CFAP45: variants seen among roughly 807,000 people sequenced by gnomAD.
The protein encoded by CFAP45 is cilia- and flagella-associated protein 45.
Under a neutral mutation model 75.6 loss-of-function variants are expected in CFAP45, and 43 were observed. The ratio of observed to expected loss-of-function variants is 0.57; its 90% CI spans 0.45 to 0.73. The LOEUF (loss-of-function observed/expected upper bound fraction) is 0.73, where lower values mean the gene tolerates loss of function less well. CFAP45 is among the 30% of genes least tolerant of loss of function. CFAP45 has a pLI of 0.00. For missense variants in CFAP45, 689 were observed against 701.5 expected (o/e 0.98, Z 0.20); for synonymous variants, 223 against 244.6 (o/e 0.91, Z 0.82).
intron 7 of CFAP45, among the ~76,000 whole-genome samples, chr1:159,883,814 C>T (rs777656757): frequency 6.6e-6 from 1 of 151,892 alleles, no homozygotes; most frequent in African/African-American, 2.4e-5. Flanking sequence ...TATCCAAGTG[C>T]CTGCCATGTC....
At chr1:159,899,935 C>A in intron 1 of CFAP45, 161 bp downstream of exon 1, 2 of 671,382 alleles carry the variant, frequency 3.0e-6, no homozygotes, top group Non-Finnish European at 5.1e-6. Flanking sequence ...CTTTTGAACC[C>A]ACCTCAGGAT....
At chr1:159,891,057 C>T (rs1176089522) in intron 2 of CFAP45, among the ~76,000 whole-genome samples, 4 of 152,184 alleles carry the variant, frequency 2.6e-5, no homozygotes, top group Admixed American at 2.6e-4. Context: ...CCATGCCCAG[C>T]CCTGACCAGC....
chr1:159,892,235 C>T (rs771232144), intron 2 of CFAP45, among the ~76,000 whole-genome samples: 2 of 151,914 alleles, frequency 1.3e-5, no homozygotes, highest in East Asian at 1.9e-4. Context: ...GGCAGTGAGC[C>T]GAGACTGTAC....
chr1:159,892,726 G>C (rs139307435), intron 2 of CFAP45, among the ~76,000 whole-genome samples: 2 of 152,162 alleles, frequency 1.3e-5, no homozygotes, highest in Admixed American at 6.5e-5. Flanking sequence ...AGACCTGCTC[G>C]TTTCCCAAAG....
At chr1:159,888,592 C>G in intron 3 of CFAP45, 96 bp from the exon 4 acceptor site, 1 of 1,158,776 alleles carries the variant, frequency 8.6e-7, no homozygotes. Flanking sequence ...TCCCATCATG[C>G]CAGTGGACTC....
At chr1:159,886,833 A>T in intron 5 of CFAP45, 144 bp from the exon 6 acceptor site, 1 of 692,392 alleles carries the variant, frequency 1.4e-6, no homozygotes, top group Non-Finnish European at 2.5e-6. Flanking sequence ...GAATGTTCTT[A>T]TATTTACCTT....
chr1:159,874,449 G>C (rs1015898815), intron 10 of CFAP45, among the ~76,000 whole-genome samples: 5 of 152,178 alleles, frequency 3.3e-5, no homozygotes, highest in African/African-American at 1.2e-4. Context: ...GAAGAATACT[G>C]TTGGCTTCCT....
At chr1:159,884,605 G>A (rs1450660145) in intron 6 of CFAP45, 40 bp from the exon 7 acceptor site, 2 of 1,591,208 alleles carry the variant, frequency 1.3e-6, no homozygotes, top group East Asian at 2.3e-5. Flanking sequence ...GAAACCCCGG[G>A]TCCACATCTC....
At chr1:159,880,463 T>C (rs921292350) in intron 8 of CFAP45, 91 bp downstream of exon 8, 7 of 1,207,014 alleles carry the variant, frequency 5.8e-6, no homozygotes, top group Non-Finnish European at 8.2e-6. Flanking sequence ...TGCGGCTGCC[T>C]TCCACTGGAG....
intron 3 of CFAP45, among the ~76,000 whole-genome samples, chr1:159,890,132 C>T (rs2101849770): frequency 6.6e-6 from 1 of 152,314 alleles, no homozygotes; most frequent in South Asian, 2.1e-4. Flanking sequence ...AGTGACTCAT[C>T]TGGATCACTT....
chr1:159,872,558 G>T lies in CFAP45; in HGVS notation c.1583C>A (p.Thr528Asn). 6.2e-7 allele frequency: 1 copy of T among 1,614,072 alleles called. No individual in the cohort carries two copies. Among genetic ancestry groups the T allele is most frequent in the African/African-American group, 1.3e-5 (1 of 75,058 alleles). Residue 528 changes from threonine (T) to asparagine (N), a missense_variant, in exon 12 of 12, where the codon ACT becomes AAT. Thr to Asn is a moderately conservative substitution (Grantham distance 65, BLOSUM62 0). Coordinates refer to ENST00000368099, the MANE Select transcript of CFAP45 (RefSeq NM_012337.3). ...AATGCAGTACTTCTCGGGAAGGCCA[G>T]TGGCTCTGCCGGGGAAACGCAGGCA... ...KRKKLEELRA[T>N]GLPEKYCIEA...
intron 6 of CFAP45, 141 bp downstream of exon 6, chr1:159,886,370 G>GT: frequency 5.4e-6 from 4 of 742,228 alleles, no homozygotes; most frequent in Non-Finnish European, 9.0e-6. Flanking sequence ...GTGATTCTAT[G>GT]TATCACTTCG....
Position 159,886,618 on chromosome 1 carries a change from T to C in CFAP45, c.660A>G (p.Glu220=). The change falls in exon 6 of 12, where the codon GAA becomes GAG. Residue 220 remains glutamate, a synonymous_variant. Transcript: ENST00000368099. ...CCAACCGCTTCTCTTCTGTGTCCAG[T>C]TCTTTTTGGATCTGCTGCTTCTCCA... is the stretch of plus-strand genomic sequence containing the variant. ...QILEKQQIQK[E]LDTEEKRLDQ... is the part of the protein sequence containing the mutation. 6.2e-7 allele frequency: 1 copy of C among 1,614,132 alleles called. No individual in the cohort carries two copies. The highest frequency in any genetic ancestry group is 8.5e-7 in the Non-Finnish European group (1 of 1,179,978).
chr1:159,875,617 T>C (rs922073103), intron 10 of CFAP45, among the ~76,000 whole-genome samples: 2 of 152,242 alleles, frequency 1.3e-5, no homozygotes, highest in Non-Finnish European at 2.9e-5. Flanking sequence ...TGCTATACTG[T>C]TTAATCTCTA....
chr1:159,887,877 C>T lies in CFAP45; in HGVS notation c.552G>A (p.Arg184=). The change falls in exon 5 of 12, where the codon CGG becomes CGA. Residue 184 remains arginine, a synonymous_variant. Coordinates refer to ENST00000368099, the MANE Select transcript of CFAP45 (RefSeq NM_012337.3). ...QNLLQRANKL[R]MEQEEELKDM... is the part of the protein sequence containing the mutation. ...CCTTGAGCTCCTCCTCCTGCTCCAT[C>T]CGCAGCTTGTTGGCTCTCTGCAGGA... is the stretch of plus-strand genomic sequence containing the variant. The T allele has an allele frequency of 6.2e-7, 1 of 1,614,120 alleles. No homozygotes were observed. Among genetic ancestry groups the T allele is most frequent in the Non-Finnish European group, 8.5e-7 (1 of 1,179,972 alleles).
At chr1:159,877,261 C>T in intron 9 of CFAP45, 88 bp downstream of exon 9, 1 of 949,136 alleles carries the variant, frequency 1.1e-6, no homozygotes, top group South Asian at 1.3e-5. Flanking sequence ...TCCGCATCTC[C>T]ACCCTCAAGG....
In CFAP45 at chr1:159,892,102, C is replaced by T. The variant is rs1259116980; in HGVS notation, c.129+1078G>A. ...AGGAGTTCAAGACCAGCATGGGGAA[C>T]ATGATGAAACCCTGTCTTTACAAAA... On this transcript the variant is annotated intron_variant, in intron 2 of 11. Transcript: ENST00000368099. Among the ~76,000 whole-genome samples, 6 of 148,756 alleles carry T rather than the reference C, an allele frequency of 4.0e-5. No individual in the cohort carries two copies. In the South Asian group the frequency reaches 1.1e-3, roughly 27 times the overall value.
At chr1:159,900,003 C>T (rs772339482) in intron 1 of CFAP45, 93 bp downstream of exon 1, 19 of 1,466,078 alleles carry the variant, frequency 1.3e-5, no homozygotes, top group Middle Eastern at 1.7e-4. Flanking sequence ...GACCCCTAGA[C>T]CCAACTGTGA....
At chr1:159,879,758 C>T (rs1465696400) in intron 8 of CFAP45, among the ~76,000 whole-genome samples, 3 of 152,208 alleles carry the variant, frequency 2.0e-5, no homozygotes, top group Admixed American at 6.5e-5. Context: ...CCCTGGCCTT[C>T]TTTAAAAATC....
Sources: gnomAD v4.1 joint callset for allele counts (sites outside exome capture counted in the v4.1 genomes callset) on GRCh38, gnomAD v4.1.1 for gene constraint, MANE v1.5 for transcripts, NCBI Gene and HGNC (gene_info 2026-07-23, HGNC 2026-07-21) for gene names.